Variants in AFG2A observed in about 807,000 individuals in gnomAD.
The protein encoded by AFG2A is ATPase family gene 2 protein homolog A.
the AFG2A span, among the ~76,000 whole-genome samples, chr4:123,175,339 GT>G: frequency 6.6e-6 from 1 of 152,092 alleles, no homozygotes; most frequent in Non-Finnish European, 1.5e-5. Flanking sequence ...AGCAAAAGTT[GT>G]TACTAGACAA....
chr4:122,955,577 T>TA, the AFG2A span, among the ~76,000 whole-genome samples: 1 of 152,222 alleles, frequency 6.6e-6, no homozygotes, highest in Non-Finnish European at 1.5e-5. Flanking sequence ...CCTTTAGTCT[T>TA]TTTGACCTTT....
At chr4:123,155,966 G>A in the AFG2A span, among the ~76,000 whole-genome samples, 2 of 152,142 alleles carry the variant, frequency 1.3e-5, no homozygotes, top group Non-Finnish European at 2.9e-5. Flanking sequence ...TAATTTATAA[G>A]AAAAGAGATT....
chr4:123,085,456 T>G, the AFG2A span, among the ~76,000 whole-genome samples: 2 of 152,186 alleles, frequency 1.3e-5, no homozygotes, highest in Admixed American at 6.5e-5. Flanking sequence ...ATAATACCCC[T>G]TTTGGTCTCT....
At chr4:123,160,757 A>T in the AFG2A span, among the ~76,000 whole-genome samples, 152 of 152,246 alleles carry the variant, frequency 1.0e-3, 3 homozygotes, top group Admixed American at 2.6e-3. Flanking sequence ...TGCAGCGGAT[A>T]CATTCCAAGA....
the AFG2A span, among the ~76,000 whole-genome samples, chr4:122,962,207 A>C: frequency 6.6e-6 from 1 of 152,184 alleles, no homozygotes; most frequent in Non-Finnish European, 1.5e-5. Context: ...CCTGCTGTGA[A>C]GCCCAGTTCC....
the AFG2A span, chr4:122,938,399 A>G: frequency 5.1e-6 from 5 of 980,936 alleles, no homozygotes; most frequent in Non-Finnish European, 5.5e-6. Flanking sequence ...GATCTGTAAA[A>G]TAATTTGCTT....
At chr4:123,239,030 C>T in the AFG2A span, among the ~76,000 whole-genome samples, 1 of 152,142 alleles carries the variant, frequency 6.6e-6, no homozygotes, top group Admixed American at 6.6e-5. Context: ...ATGAGAACTT[C>T]GTGACACATG....
the AFG2A span, among the ~76,000 whole-genome samples, chr4:123,014,407 TTA>T: frequency 2.0e-5 from 3 of 152,166 alleles, no homozygotes; most frequent in Non-Finnish European, 4.4e-5. Context: ...GTTTTTTTTC[TTA>T]TACTTGTTCA....
At chr4:123,156,566 C>T in the AFG2A span, among the ~76,000 whole-genome samples, 13 of 152,018 alleles carry the variant, frequency 8.6e-5, no homozygotes, top group Non-Finnish European at 1.6e-4. Context: ...AGTACCTACT[C>T]AGATTGGAAA....
the AFG2A span, among the ~76,000 whole-genome samples, chr4:123,156,588 G>A: frequency 1.3e-5 from 2 of 151,790 alleles, no homozygotes; most frequent in African/African-American, 4.8e-5. Context: ...CCTCAACTTG[G>A]TCATGTTTTT....
chr4:122,935,722 G>GC, the AFG2A span: 2 of 1,577,908 alleles, frequency 1.3e-6, no homozygotes, highest in Non-Finnish European at 1.7e-6. Flanking sequence ...AGGAATTCCT[G>GC]CCCCTAGAGG....
chr4:123,288,593 C>T, the AFG2A span, among the ~76,000 whole-genome samples: 3 of 152,164 alleles, frequency 2.0e-5, no homozygotes, highest in African/African-American at 4.8e-5. Flanking sequence ...ATCTCTACAG[C>T]TGTCTTATGT....
chr4:123,253,580 G>A, the AFG2A span, among the ~76,000 whole-genome samples: 2 of 152,106 alleles, frequency 1.3e-5, no homozygotes, highest in African/African-American at 2.4e-5. Context: ...AGTGCAGGAG[G>A]TGGAGATTGC....
At chr4:123,166,710 A>G in the AFG2A span, among the ~76,000 whole-genome samples, 1 of 152,204 alleles carries the variant, frequency 6.6e-6, no homozygotes, top group Admixed American at 6.5e-5. Flanking sequence ...GGGAGAAAAG[A>G]ATTAGATTAA....
At chr4:123,262,396 C>T in the AFG2A span, among the ~76,000 whole-genome samples, 18 of 152,176 alleles carry the variant, frequency 1.2e-4, no homozygotes, top group Non-Finnish European at 2.5e-4. Context: ...AAGAAATTGG[C>T]TTGTCTGAGA....
the AFG2A span, among the ~76,000 whole-genome samples, chr4:123,020,101 G>A: frequency 2.6e-5 from 4 of 151,860 alleles, no homozygotes; most frequent in Admixed American, 6.6e-5. Context: ...CCCCATCTGC[G>A]TCATGCTTTT....
chr4:123,118,583 C>T, the AFG2A span, among the ~76,000 whole-genome samples: 1 of 151,606 alleles, frequency 6.6e-6, no homozygotes, highest in South Asian at 2.1e-4. Flanking sequence ...TATTGTCAGT[C>T]TTTTGCCACT....
At chr4:123,084,989 T>A in the AFG2A span, among the ~76,000 whole-genome samples, 153 of 151,990 alleles carry the variant, frequency 1.0e-3, no homozygotes, top group East Asian at 0.011. Context: ...ATTACAAGTG[T>A]GTTGTTCAGT....
At chr4:123,002,674 G>A in the AFG2A span, among the ~76,000 whole-genome samples, 16 of 152,128 alleles carry the variant, frequency 1.1e-4, 1 homozygote, top group Admixed American at 7.9e-4. Context: ...CGAGAGATCC[G>A]CTGTTAGTCT....
Sources: allele counts gnomAD v4.1 joint callset (sites outside exome capture counted in the v4.1 genomes callset), GRCh38; gene constraint gnomAD v4.1.1; transcripts MANE v1.5; gene names NCBI Gene and HGNC (gene_info 2026-07-23, HGNC 2026-07-21).